The following PTPN21 variants were observed in gnomAD, a reference collection of about 807,000 sequenced individuals.
PTPN21 encodes the protein tyrosine-protein phosphatase non-receptor type 21.
In PTPN21, 77 loss-of-function variants were observed where a neutral mutation model predicts 131.8. That is an observed-to-expected ratio of 0.58 (90% CI 0.49 to 0.71). The LOEUF is 0.71. Among genes scored for constraint, PTPN21 ranks in the 30% least tolerant of loss-of-function variants. The pLI is 0.00. For missense variants in PTPN21, 1,552 were observed against 1,527.1 expected, an observed-to-expected ratio of 1.02 and a Z score of -0.27; for synonymous variants, 715 against 621.3, an observed-to-expected ratio of 1.15 and a Z score of -2.24.
At chr14:88,493,692 C>T (rs550641693) in intron 10 of PTPN21, among the ~76,000 whole-genome samples, 1 of 152,270 alleles carries the variant, frequency 6.6e-6, no homozygotes, top group African/African-American at 2.4e-5. Flanking sequence ...GAGGTGCCTC[C>T]AGACATGGAC....
chr14:88,467,996 C>T lies in PTPN21; in HGVS notation c.*141G>A, dbSNP rs1454791839. ...GCTTCGCACGTTTCCTTCAGCGTGC[C>T]GCCATTCAGACTGCGCCACTTACGT... On this transcript the variant is annotated 3_prime_UTR_variant, in exon 19 of 19. Transcript: ENST00000556564. 2.6e-5 allele frequency: 28 copies of T among 1,071,612 alleles called. No homozygotes were observed. Among genetic ancestry groups the T allele is most frequent in the Non-Finnish European group, 3.2e-5 (23 of 714,902 alleles). 66.4% of individuals were successfully genotyped at this position (1,071,612 alleles called of 1,614,324 possible).
chr14:88,535,804 C>T (rs1433371094), intron 2 of PTPN21, among the ~76,000 whole-genome samples: 1 of 152,178 alleles, frequency 6.6e-6, no homozygotes, highest in Admixed American at 6.5e-5. Flanking sequence ...GGCCCATGTG[C>T]CTGAAATTTT....
chr14:88,492,537 G>A (rs1242754158), intron 10 of PTPN21, among the ~76,000 whole-genome samples: 2 of 152,192 alleles, frequency 1.3e-5, no homozygotes, highest in Admixed American at 6.5e-5. Context: ...TGCAGGGGAA[G>A]GCAGAGAAGA....
Position 88,480,288 on chromosome 14 carries a change from G to A in PTPN21, c.1143C>T (p.Ala381=). The A allele has an allele frequency of 1.2e-6, 2 of 1,614,148 alleles. No homozygotes were observed. Among genetic ancestry groups the A allele is most frequent in the African/African-American group, 1.3e-5 (1 of 75,020 alleles). The change falls in exon 13 of 19, where the codon GCC becomes GCT. Residue 381 remains alanine (A), a synonymous_variant. Coordinates refer to ENST00000556564, the MANE Select transcript of PTPN21 (RefSeq NM_007039.4). ...GGATCCGACCGTTGAGGTCAATCTG[G>A]GCTCTATCCAAGCTTGTCTGAGAGT... ...YCHSQTSLDR[A]QIDLNGRIRN... is the part of the protein sequence containing the mutation.
chr14:88,470,020 T>G lies in PTPN21; in HGVS notation c.2902A>C (p.Ile968Leu). Residue 968 changes from isoleucine to leucine, a missense_variant, in exon 16 of 19, where the codon ATT becomes CTT. This residue lies in a region of PTPN21 where 316 missense variants were observed against 378.5 expected (regional missense o/e 0.83). Coordinates refer to ENST00000556564, the MANE Select transcript of PTPN21 (RefSeq NM_007039.4). Reference sequence around the variant, plus strand: ...TTCTGTAATGGTCCCTGTGTGGCAATATAATCCCATTCGATTCCACTGACA... The same window carrying G: ...TTCTGTAATGGTCCCTGTGTGGCAAGATAATCCCATTCGATTCCACTGACA... ...VSVSGIEWDY[I>L]ATQGPLQNTC... The G allele has an allele frequency of 6.2e-7, 1 of 1,613,558 alleles. No individual in the cohort carries two copies. The highest frequency in any genetic ancestry group is 8.5e-7 in the Non-Finnish European group (1 of 1,179,490).
intron 1 of PTPN21, among the ~76,000 whole-genome samples, chr14:88,552,992 C>A (rs1242504710): frequency 6.6e-6 from 1 of 152,002 alleles, no homozygotes; most frequent in East Asian, 1.9e-4. Flanking sequence ...GATGAACAGA[C>A]AAGATATTGC....
At chr14:88,534,319 G>A (rs910999277) in intron 2 of PTPN21, among the ~76,000 whole-genome samples, 1 of 151,604 alleles carries the variant, frequency 6.6e-6, no homozygotes, top group African/African-American at 2.4e-5. Flanking sequence ...GGACGCAGAG[G>A]TTGCAGTAAG....
rs1428644229 is a variant in PTPN21, at chr14:88,469,868, C to T, written c.3000+54G>A. 1.2e-6 allele frequency: 2 copies of T among 1,611,300 alleles called. No homozygotes were observed. Among genetic ancestry groups the T allele is most frequent in the South Asian group, 2.2e-5 (2 of 91,008 alleles). On this transcript the variant is annotated intron_variant, in intron 16 of 18. Transcript: ENST00000556564. The surrounding 1 kb of genome is among the most constrained non-coding windows in gnomAD (Gnocchi z 4.3). ...ACAGGTCAGGATTCCAGATGATTAACATTAACTGTTCTTCAGAGGCTGAGA... is the reference window on the plus strand; with the variant it reads ...ACAGGTCAGGATTCCAGATGATTAATATTAACTGTTCTTCAGAGGCTGAGA...
chr14:88,524,884 G>C (rs907587434), intron 2 of PTPN21, among the ~76,000 whole-genome samples: 1 of 151,838 alleles, frequency 6.6e-6, no homozygotes. Flanking sequence ...CAGCCTGGGC[G>C]ACAGAGCAAG....
Position 88,468,024 on chromosome 14 carries a change from C to T in PTPN21, c.*113G>A. On this transcript the variant is annotated 3_prime_UTR_variant, in exon 19 of 19. Transcript: ENST00000556564. ...CATTCAGACTGCGCCACTTACGTCC[C>T]AGTGCCACGCTGCGTGGATCAAGTG... 7.5e-7 allele frequency: 1 copy of T among 1,336,416 alleles called. No homozygotes were observed. Among genetic ancestry groups the T allele is most frequent in the Non-Finnish European group, 1.1e-6 (1 of 946,550 alleles). The allele number at this position is 1,336,416 out of a possible 1,614,324, so 82.8% of individuals were successfully genotyped here.
chr14:88,479,066 C>T lies in PTPN21; in HGVS notation c.2365G>A (p.Asp789Asn). The stretch of plus-strand genomic sequence containing the variant: ...GACATGGAGGGCATCAGCAGCCCGT[C>T]TCTCCAGGGCCGCTGGGCCTCTGCG... ...TTAEAQRPWR[D>N]GLLMPSMSES... Residue 789 changes from aspartate (D) to asparagine (N), a missense_variant, in exon 13 of 19, where the codon GAC becomes AAC. Asp to Asn is a conservative substitution (Grantham distance 23, BLOSUM62 1). This residue lies in a region of PTPN21 where 1,016 missense variants were observed against 883.5 expected (regional missense o/e 1.15). Transcript: ENST00000556564. The T allele has an allele frequency of 6.2e-7, 1 of 1,601,360 alleles. No homozygotes were observed. Among genetic ancestry groups the T allele is most frequent in the Non-Finnish European group, 8.5e-7 (1 of 1,174,336 alleles).
At position 88,479,378 on chromosome 14, in the gene PTPN21, C is replaced by T. The variant is rs962555158; in HGVS notation, c.2053G>A (p.Glu685Lys). ...PSVFTERTQR[E>K]GPEEAEGLRY... ...AAGCCCTCCGCCTCCTCCGGCCCTT[C>T]TCGCTGTGTCCTCTCGGTGAAAACG... The change falls in exon 13 of 19, where the codon GAA (glutamate) becomes AAA (lysine). Residue 685 changes from glutamate to lysine, a missense_variant. Glu to Lys is a moderately conservative substitution (Grantham distance 56, BLOSUM62 1). Around this residue, in one of 4 missense-constraint regions of PTPN21, gnomAD observed 1,016 missense variants for 883.5 expected, o/e 1.15. Coordinates refer to ENST00000556564, the MANE Select transcript of PTPN21 (RefSeq NM_007039.4). The T allele has an allele frequency of 9.3e-6, 15 of 1,609,510 alleles. No homozygotes were observed. Among genetic ancestry groups the T allele is most frequent in the Non-Finnish European group, 1.3e-5 (15 of 1,179,612 alleles).
chr14:88,499,028 A>C (rs2077967478), intron 8 of PTPN21, among the ~76,000 whole-genome samples: 1 of 152,220 alleles, frequency 6.6e-6, no homozygotes, highest in Admixed American at 6.5e-5. Context: ...GTGATAAAGG[A>C]AGCCAGGTAG....
In PTPN21 at chr14:88,475,267, C is replaced by G. The variant is rs186897816; in HGVS notation, c.2512-1465G>C. On this transcript the variant is annotated intron_variant, in intron 13 of 18. Coordinates refer to ENST00000556564, the MANE Select transcript of PTPN21 (RefSeq NM_007039.4). ...AAGCCCCATGATAATGGTGCAAGAA[C>G]AGAGGGAAAAGGCAACTTGGTGAGA... 2.0e-5 allele frequency among the ~76,000 whole-genome samples: 3 copies of G among 152,088 alleles called. No individual in the cohort carries two copies. The East Asian group carries it at 5.8e-4, about 29-fold the overall frequency.
chr14:88,550,980 T>G (rs2078858454), intron 1 of PTPN21, among the ~76,000 whole-genome samples: 1 of 152,198 alleles, frequency 6.6e-6, no homozygotes, highest in African/African-American at 2.4e-5. Flanking sequence ...GTTGTAATAC[T>G]CCAAATGTCA....
At chr14:88,475,098 A>C (rs2077530900) in intron 13 of PTPN21, among the ~76,000 whole-genome samples, 1 of 152,162 alleles carries the variant, frequency 6.6e-6, no homozygotes, top group African/African-American at 2.4e-5. Context: ...CTCCAAAAAA[A>C]AAAAGAACAC....
chr14:88,497,356 C>T, intron 8 of PTPN21, 66 bp from the exon 9 acceptor site: 3 of 1,288,520 alleles, frequency 2.3e-6, no homozygotes, highest in Non-Finnish European at 3.4e-6. Context: ...AGATAGAATA[C>T]ACAAGTTTTC....
At chr14:88,480,467 C>T (rs2077637385) in intron 12 of PTPN21, 115 bp from the exon 13 acceptor site, 2 of 857,868 alleles carry the variant, frequency 2.3e-6, no homozygotes, top group Non-Finnish European at 1.8e-6. Flanking sequence ...TAAAAATCCC[C>T]GCTAGAATGA....
chr14:88,534,934 G>A (rs2078608106), intron 2 of PTPN21, among the ~76,000 whole-genome samples: 1 of 152,080 alleles, frequency 6.6e-6, no homozygotes, highest in Non-Finnish European at 1.5e-5. Context: ...TGTTTCTAGA[G>A]GCTACAATAG....
Sources: allele counts gnomAD v4.1 joint callset (sites outside exome capture counted in the v4.1 genomes callset), GRCh38; gene constraint gnomAD v4.1.1; regional missense constraint gnomAD v4.1.1; non-coding constraint Gnocchi (gnomAD v3.1); transcripts MANE v1.5; gene names NCBI Gene and HGNC (gene_info 2026-07-23, HGNC 2026-07-21).